PIK3C2G: variants seen among roughly 807,000 people sequenced by gnomAD.
PIK3C2G encodes phosphatidylinositol-4-phosphate 3-kinase catalytic subunit type 2 gamma, also known as phosphatidylinositol 3-kinase C2 domain-containing subunit gamma.
PIK3C2G carries 168 observed loss-of-function variants against 181.1 expected under a neutral mutation model. That is an observed-to-expected ratio of 0.93 (90% CI 0.82 to 1.05). The LOEUF (loss-of-function observed/expected upper bound fraction) is 1.05. PIK3C2G is among the 50% of genes least tolerant of loss of function. The pLI is 0.00. For missense variants in PIK3C2G, 1,869 were observed against 1,732.8 expected, an observed-to-expected ratio of 1.08 and a Z score of -1.40; for synonymous variants, 573 against 592.2, an observed-to-expected ratio of 0.97 and a Z score of 0.47.
At chr12:18,697,372 A>G in the PIK3C2G span, among the ~76,000 whole-genome samples, 3 of 152,160 alleles carry the variant, frequency 2.0e-5, no homozygotes, top group Non-Finnish European at 4.4e-5. Context: ...TAAATACAGC[A>G]TAGGTGTCCA....
chr12:18,529,434 A>T (rs1233406699), intron 24 of PIK3C2G, among the ~76,000 whole-genome samples: 1 of 152,194 alleles, frequency 6.6e-6, no homozygotes, highest in Non-Finnish European at 1.5e-5. Context: ...TTCAGAGCCT[A>T]CCAGAGTCTA....
At chr12:18,335,367 T>C (rs142436503) in intron 8 of PIK3C2G, among the ~76,000 whole-genome samples, 2 of 152,312 alleles carry the variant, frequency 1.3e-5, no homozygotes, top group Non-Finnish European at 2.9e-5. Context: ...GAGCTACTGC[T>C]CAGGCTTGAA....
At chr12:18,636,762 A>G (rs1239251390) in intron 31 of PIK3C2G, among the ~76,000 whole-genome samples, 2 of 152,014 alleles carry the variant, frequency 1.3e-5, no homozygotes, top group African/African-American at 4.8e-5. Flanking sequence ...TTCACCCCCA[A>G]CCCCTGTGTC....
At chr12:18,467,392 T>C (rs1001236783) in intron 18 of PIK3C2G, among the ~76,000 whole-genome samples, 3 of 151,942 alleles carry the variant, frequency 2.0e-5, no homozygotes, top group African/African-American at 4.8e-5. Flanking sequence ...TTTTTTCAAA[T>C]TTTTATCTAC....
intron 31 of PIK3C2G, among the ~76,000 whole-genome samples, chr12:18,630,526 G>T (rs1949305406): frequency 6.6e-6 from 1 of 152,118 alleles, no homozygotes; most frequent in Non-Finnish European, 1.5e-5. Flanking sequence ...TCTAGGATGG[G>T]GTTAGGGTAG....
At chr12:18,272,147 G>C (rs538840555) in intron 1 of PIK3C2G, among the ~76,000 whole-genome samples, 1 of 152,254 alleles carries the variant, frequency 6.6e-6, no homozygotes, top group South Asian at 2.1e-4. Context: ...ATTTTGGGGA[G>C]TAGTATTTTT....
At position 18,562,855 on chromosome 12, in the gene PIK3C2G, G is replaced by T. The variant is rs1441051410; in HGVS notation, c.3743G>T (p.Arg1248Ile). The T allele has an allele frequency of 6.2e-7, 1 of 1,605,556 alleles. No homozygotes were observed. Among genetic ancestry groups the T allele is most frequent in the Admixed American group, 1.7e-5 (1 of 58,936 alleles). Residue 1248 changes from arginine (R) to isoleucine (I), a missense_variant, in exon 27 of 33, where the codon AGA becomes ATA. Arg to Ile is a moderately conservative substitution (Grantham distance 97). Coordinates refer to ENST00000538779, the MANE Select transcript of PIK3C2G (RefSeq NM_001288772.2). ...CLLSTTRSIE[R>I]ATILGFSKKS... is the part of the protein sequence containing the mutation. ...CTGAGTACAACTAGGTCGATTGAAA[G>T]AGCAACAATTTTAGGGTTCAGCAAG...
At chr12:18,312,830 G>T (rs1190382296) in intron 5 of PIK3C2G, among the ~76,000 whole-genome samples, 1 of 151,930 alleles carries the variant, frequency 6.6e-6, no homozygotes, top group Admixed American at 6.6e-5. Flanking sequence ...CGTTAAAATA[G>T]AAACATTTAA....
intron 1 of PIK3C2G, among the ~76,000 whole-genome samples, chr12:18,273,467 G>A (rs982088846): frequency 3.3e-5 from 5 of 152,008 alleles, no homozygotes; most frequent in Non-Finnish European, 7.4e-5. Flanking sequence ...CTCTTTTTTG[G>A]TTCCATATGA....
chr12:18,666,010 A>G, the PIK3C2G span, among the ~76,000 whole-genome samples: 1 of 151,884 alleles, frequency 6.6e-6, no homozygotes, highest in Non-Finnish European at 1.5e-5. Flanking sequence ...AAGTCTTCGT[A>G]TACTATTAAA....
At chr12:18,528,689 C>A (rs932235032) in intron 24 of PIK3C2G, among the ~76,000 whole-genome samples, 1 of 152,148 alleles carries the variant, frequency 6.6e-6, no homozygotes, top group Non-Finnish European at 1.5e-5. Context: ...AGAGTTCTAT[C>A]TTTTCATTCC....
intron 3 of PIK3C2G, among the ~76,000 whole-genome samples, chr12:18,288,171 GAGA>G (rs113154501): frequency 2.5e-4 from 38 of 152,108 alleles, no homozygotes; most frequent in Non-Finnish European, 4.1e-4. Context: ...TCAAAAAAAA[GAGA>G]AGAAGATAAA....
chr12:18,615,741 G>A (rs934111254), intron 31 of PIK3C2G, among the ~76,000 whole-genome samples: 2 of 151,690 alleles, frequency 1.3e-5, no homozygotes, highest in Non-Finnish European at 2.9e-5. Context: ...AGTCTCCATT[G>A]ATTCATCTAT....
chr12:18,379,030 T>C, intron 13 of PIK3C2G, among the ~76,000 whole-genome samples: 1 of 152,028 alleles, frequency 6.6e-6, no homozygotes, highest in African/African-American at 2.4e-5. Context: ...ACCCAAAGGA[T>C]TATAAATCAT....
intron 19 of PIK3C2G, among the ~76,000 whole-genome samples, chr12:18,491,237 C>T (rs142078390): frequency 6.4e-4 from 97 of 152,260 alleles, no homozygotes; most frequent in African/African-American, 2.3e-3. Flanking sequence ...AAAGGGCATG[C>T]ATGCCTTAGT....
the PIK3C2G span, among the ~76,000 whole-genome samples, chr12:18,687,674 C>G: frequency 6.6e-6 from 1 of 152,106 alleles, no homozygotes; most frequent in Admixed American, 6.6e-5. Context: ...AAGCCATAGA[C>G]TTTTAATCTA....
At chr12:18,681,370 C>A in the PIK3C2G span, among the ~76,000 whole-genome samples, 3 of 152,014 alleles carry the variant, frequency 2.0e-5, no homozygotes, top group Non-Finnish European at 4.4e-5. Flanking sequence ...GTTCATTTAG[C>A]CTTTTCCGAT....
intron 24 of PIK3C2G, 121 bp downstream of exon 24, chr12:18,505,582 A>G: frequency 3.5e-6 from 2 of 577,384 alleles, no homozygotes; most frequent in Non-Finnish European, 5.6e-6. Context: ...CCCAGGTAAT[A>G]TAAACATGAT....
intron 31 of PIK3C2G, among the ~76,000 whole-genome samples, chr12:18,623,740 T>C (rs1190638485): frequency 6.6e-6 from 1 of 151,752 alleles, no homozygotes; most frequent in African/African-American, 2.4e-5. Flanking sequence ...TATTTTTCAG[T>C]GTACAGGTCT....
Sources: allele counts gnomAD v4.1 joint callset (sites outside exome capture counted in the v4.1 genomes callset), GRCh38; gene constraint gnomAD v4.1.1; transcripts MANE v1.5; gene names NCBI Gene and HGNC (gene_info 2026-07-23, HGNC 2026-07-21).